OVGP1: variants seen among roughly 807,000 people sequenced by gnomAD.
OVGP1 encodes the protein oviduct-specific glycoprotein.
Under a neutral mutation model 48.2 loss-of-function variants are expected in OVGP1, and 26 were observed. The observed-to-expected ratio is 0.54, with a 90% CI of 0.40 to 0.75. The LOEUF (loss-of-function observed/expected upper bound fraction) is 0.75, where lower values mean the gene tolerates loss of function less well. OVGP1 is among the 30% of genes least tolerant of loss of function. The pLI, the probability that OVGP1 is intolerant of heterozygous loss-of-function variation, is 0.00. For synonymous variants in OVGP1, 294 were observed against 305.7 expected, an observed-to-expected ratio of 0.96 and a Z score of 0.40; for missense variants, 791 against 820.6, an observed-to-expected ratio of 0.96 and a Z score of 0.44.
At position 111,421,326 on chromosome 1, in the gene OVGP1, C is replaced by G. The variant is rs1412298963; in HGVS notation, c.853G>C (p.Ala285Pro). Residue 285 changes from alanine (A) to proline (P), a missense_variant, in exon 8 of 11, where the codon GCA becomes CCA. Transcript: ENST00000369732. ...NGLQARAIGP[A>P]SPGKYTKQEG... ...TGCTTGGTGTACTTCCCTGGAGATG[C>G]TGGTCCGATCGCTCTGGCCTGCAAC... 1 of 1,613,684 alleles carries G rather than the reference C, an allele frequency of 6.2e-7. No individual in the cohort carries two copies. The highest frequency in any genetic ancestry group is 1.1e-5 in the South Asian group (1 of 90,986).
intron 6 of OVGP1, 126 bp from the exon 7 acceptor site, chr1:111,421,799 G>T: frequency 1.6e-6 from 1 of 644,492 alleles, no homozygotes; most frequent in Non-Finnish European, 2.7e-6. Flanking sequence ...CCTTCTGCCT[G>T]TGGGGCCTGC....
rs1277989834 is a variant in OVGP1, at chr1:111,421,353, C to T, written c.826G>A (p.Gly276Arg). ...TFRLLKASKNGLQARAIGPAS... is the reference protein window; with the variant it reads ...TFRLLKASKNRLQARAIGPAS... ...GGTCCGATCGCTCTGGCCTGCAACCCATTCTTAGAGGCTTTGAGGAGGCGA... is the reference window on the plus strand; with the variant it reads ...GGTCCGATCGCTCTGGCCTGCAACCTATTCTTAGAGGCTTTGAGGAGGCGA... The change falls in exon 8 of 11, where the codon GGG (glycine) becomes AGG (arginine). Residue 276 changes from glycine to arginine, a missense_variant. Physicochemically the swap from Gly to Arg is moderately radical, Grantham distance 125. Coordinates refer to ENST00000369732, the MANE Select transcript of OVGP1 (RefSeq NM_002557.4). The T allele has an allele frequency of 6.2e-7, 1 of 1,614,136 alleles. No individual in the cohort carries two copies. The highest frequency in any genetic ancestry group is 8.5e-7 in the Non-Finnish European group (1 of 1,180,020).
intron 6 of OVGP1, among the ~76,000 whole-genome samples, chr1:111,422,209 T>C (rs1652288935): frequency 6.6e-6 from 1 of 152,292 alleles, no homozygotes; most frequent in African/African-American, 2.4e-5. Context: ...TGTTGCCCAG[T>C]TGGGTGAAGG....
chr1:111,419,831 A>G, intron 8 of OVGP1, 105 bp from the exon 9 acceptor site: 3 of 733,924 alleles, frequency 4.1e-6, no homozygotes, highest in African/African-American at 1.7e-5. Context: ...ATCCCTAACC[A>G]GCGAATGAGA....
At position 111,414,736 on chromosome 1, in the gene OVGP1, T is replaced by C. The variant is rs1652078077; in HGVS notation, c.1765A>G (p.Thr589Ala). ...RNISVTPEGQ[T>A]MPLRGENLTS... ...AAATTCTCCCCTCTTAAAGGCATAG[T>C]CTGCCCTTCAGGGGTGACTGATATG... The change falls in exon 11 of 11, where the codon ACT (threonine) becomes GCT (alanine). Residue 589 changes from threonine to alanine, a missense_variant. Physicochemically the swap from Thr to Ala is moderately conservative, Grantham distance 58. Coordinates refer to ENST00000369732, the MANE Select transcript of OVGP1 (RefSeq NM_002557.4). 1.9e-6 allele frequency: 3 copies of C among 1,613,680 alleles called. No individual in the cohort carries two copies. Among genetic ancestry groups the C allele is most frequent in the Non-Finnish European group, 2.5e-6 (3 of 1,179,598 alleles).
chr1:111,421,286 G>C lies in OVGP1; in HGVS notation c.893C>G (p.Ala298Gly). The C allele has an allele frequency of 6.2e-7, 1 of 1,604,390 alleles. No individual in the cohort carries two copies. The highest frequency in any genetic ancestry group is 8.5e-7 in the Non-Finnish European group (1 of 1,175,972). The change falls in exon 8 of 11, where the codon GCT becomes GGT. Residue 298 changes from alanine to glycine, a missense_variant. By Grantham distance (60) the Ala-to-Gly change is moderately conservative (BLOSUM62 0). Transcript: ENST00000369732. ...GKYTKQEGFL[A>G]YFEICSFVWG... ...TGATATTCCCATCACCTCAAAATAA[G>C]CCAAGAAGCCTTCTTGCTTGGTGTA...
Position 111,415,356 on chromosome 1 carries a change from C to A in OVGP1, c.1157-12G>T, listed in dbSNP as rs758060415. ...AGTTGAACTGAACTCTAGAGAAAAT[C>A]AACAGAAAAGAATGAGATTCCTACC... On this transcript the variant is annotated splice_polypyrimidine_tract_variant and intron_variant, in intron 10 of 10. Coordinates refer to ENST00000369732, the MANE Select transcript of OVGP1 (RefSeq NM_002557.4). The A allele has an allele frequency of 7.5e-6, 12 of 1,594,764 alleles. No homozygotes were observed. In the East Asian group the frequency reaches 2.0e-4, roughly 27 times the overall value.
intron 2 of OVGP1, 24 bp from the exon 3 acceptor site, chr1:111,426,665 G>A (rs1470759892): frequency 5.0e-6 from 8 of 1,609,514 alleles, no homozygotes; most frequent in Non-Finnish European, 6.8e-6. Flanking sequence ...GCACACATTA[G>A]TTGGCAAAAA....
Position 111,419,693 on chromosome 1 carries a change from A to C in OVGP1, c.937T>G (p.Trp313Gly), listed in dbSNP as rs1418909569. ...TACGGGACATACTGGTAATCAATCC[A>C]GTGCTTCTTCGCTCCCCAGACAAAG... ...CSFVWGAKKH[W>G]IDYQYVPYAN... Residue 313 changes from tryptophan to glycine, a missense_variant, in exon 9 of 11, where the codon TGG becomes GGG. Physicochemically the swap from Trp to Gly is radical, Grantham distance 184. Coordinates refer to ENST00000369732, the MANE Select transcript of OVGP1 (RefSeq NM_002557.4). 8 of 1,613,498 alleles carry C rather than the reference A, an allele frequency of 5.0e-6. No individual in the cohort carries two copies. The highest frequency in any genetic ancestry group is 1.7e-6 in the Non-Finnish European group (2 of 1,179,632).
intron 1 of OVGP1, 23 bp downstream of exon 1, chr1:111,427,674 C>T (rs775175432): frequency 2.5e-6 from 4 of 1,612,626 alleles, no homozygotes; most frequent in South Asian, 2.2e-5. Context: ...CTGAGTGACA[C>T]TGCTGGGACC....
At chr1:111,422,331 C>T (rs1652292137) in intron 6 of OVGP1, among the ~76,000 whole-genome samples, 1 of 152,224 alleles carries the variant, frequency 6.6e-6, no homozygotes, top group Non-Finnish European at 1.5e-5. Context: ...CACTCATACA[C>T]AGGAACATCC....
chr1:111,414,372 G>T lies in OVGP1; in HGVS notation c.*92C>A. 1 of 1,155,666 alleles carries T rather than the reference G, an allele frequency of 8.7e-7. No homozygotes were observed. Among genetic ancestry groups the T allele is most frequent in the Non-Finnish European group, 1.2e-6 (1 of 818,364 alleles). 71.6% of individuals were successfully genotyped at this position (1,155,666 alleles called of 1,614,324 possible). ...AAAGAGATTGGCCTATTCTGGTTTTGATGCCTGCTTTGCCCCGGGATGAGA... is the reference window on the plus strand; with the variant it reads ...AAAGAGATTGGCCTATTCTGGTTTTTATGCCTGCTTTGCCCCGGGATGAGA... On this transcript the variant is annotated 3_prime_UTR_variant, in exon 11 of 11. Transcript: ENST00000369732.
rs9629 is a variant in OVGP1, at chr1:111,414,623, G to A, written c.1878C>T (p.Pro626=). Residue 626 remains proline, a synonymous_variant, in exon 11 of 11, where the codon CCC becomes CCT. Coordinates refer to ENST00000369732, the MANE Select transcript of OVGP1 (RefSeq NM_002557.4). ...GAGTTTGTTCCGGGAGCTGGATGAC[G>A]GGGCTGGAGGACAGCATCATCCTGT... ...AENRMMLSSS[P]VIQLPEQTPL... The A allele has an allele frequency of 0.28, 451,172 of 1,613,806 alleles. 64,896 individuals carry two copies. The highest frequency in any genetic ancestry group is 0.3 in the Non-Finnish European group (355,103 of 1,179,812).
In OVGP1 at chr1:111,414,657, T is replaced by TC. The variant is rs777421605; in HGVS notation, c.1843dup (p.Glu615GlyfsTer3). On this transcript the variant is annotated frameshift_variant, in exon 11 of 11. Coordinates refer to ENST00000369732, the MANE Select transcript of OVGP1 (RefSeq NM_002557.4). LOFTEE classifies it low-confidence loss of function (END_TRUNC). ...GGACAGCATCATCCTGTTTTCAGCT[T>TC]CCATCTGAAGACCCAAGTTACCCAT... The TC allele has an allele frequency of 1.2e-6, 2 of 1,614,168 alleles. No homozygotes were observed. The highest frequency in any genetic ancestry group is 2.2e-5 in the South Asian group (2 of 91,084).
At position 111,415,027 on chromosome 1, in the gene OVGP1, T is replaced by C. The variant is rs368016734; in HGVS notation, c.1474A>G (p.Lys492Glu). 17 of 1,613,186 alleles carry C rather than the reference T, an allele frequency of 1.1e-5. No homozygotes were observed. Among genetic ancestry groups the C allele is most frequent in the Non-Finnish European group, 1.4e-5 (17 of 1,179,398 alleles). The change falls in exon 11 of 11, where the codon AAG (lysine) becomes GAG (glutamate). Residue 492 changes from lysine to glutamate, a missense_variant. Transcript: ENST00000369732. Reference sequence around the variant, plus strand: ...TGATGACCCACAGGGGTCAGGGCCTTCTCTCCAGGGGTCATGGACTGATGA... The same window carrying C: ...TGATGACCCACAGGGGTCAGGGCCTCCTCTCCAGGGGTCATGGACTGATGA... The part of the protein sequence containing the change: ...VGHQSMTPGE[K>E]ALTPVGHQSV...
At chr1:111,421,768 G>GCT in intron 6 of OVGP1, 95 bp from the exon 7 acceptor site, 4 of 767,948 alleles carry the variant, frequency 5.2e-6, no homozygotes, top group African/African-American at 1.7e-5. Flanking sequence ...GCTAGACATT[G>GCT]GTCACCAGAG....
Position 111,418,972 on chromosome 1 carries a change from AG to A in OVGP1, c.1020+637del, listed in dbSNP as rs556443906. Among the ~76,000 whole-genome samples the A allele has an allele frequency of 7.9e-5, 12 of 152,278 alleles. No homozygotes were observed. In the South Asian group the frequency reaches 2.5e-3, roughly 32 times the overall value. On this transcript the variant is annotated intron_variant, in intron 9 of 10. Transcript: ENST00000369732. ...CATAAAATACCACTTACATGAAGGG[AG>A]GGTGGTGGTCATAGTTTGGCTCTAA...
At chr1:111,427,610 G>T in intron 1 of OVGP1, 87 bp downstream of exon 1, 1 of 1,455,302 alleles carries the variant, frequency 6.9e-7, no homozygotes, top group Non-Finnish European at 9.6e-7. Context: ...GTCTCAGGCT[G>T]CTCTCTCAGG....
At chr1:111,421,489 C>T (rs1557783643) in intron 7 of OVGP1, 28 bp from the exon 8 acceptor site, 1 of 1,608,942 alleles carries the variant, frequency 6.2e-7, no homozygotes, top group Admixed American at 1.7e-5. Flanking sequence ...CCAGACTCCT[C>T]CTTGTTACTA....
Sources: gnomAD v4.1 joint callset for allele counts (sites outside exome capture counted in the v4.1 genomes callset) on GRCh38, gnomAD v4.1.1 for gene constraint, MANE v1.5 for transcripts, NCBI Gene and HGNC (gene_info 2026-07-23, HGNC 2026-07-21) for gene names.